ZNF611: variants seen among roughly 807,000 people sequenced by gnomAD.
ZNF611 encodes zinc finger protein 611.
Under a neutral mutation model 8.9 loss-of-function variants are expected in ZNF611, and 6 were observed. That is an observed-to-expected ratio of 0.68 (90% confidence interval 0.37 to 1.34). The LOEUF (loss-of-function observed/expected upper bound fraction) is 1.34. Ranked by LOEUF, ZNF611 falls within the 40% of genes most tolerant of loss-of-function variation. The probability of loss-of-function intolerance (pLI) is 0.02; values close to 1 mark genes in which losing one functional copy is unlikely to be tolerated. For synonymous variants in ZNF611, 262 were observed against 279.7 expected, an observed-to-expected ratio of 0.94 and a Z score of 0.63; for missense variants, 874 against 841.3, an observed-to-expected ratio of 1.04 and a Z score of -0.48.
chr19:52,711,864 G>T (rs56788254), intron 5 of ZNF611, among the ~76,000 whole-genome samples: 1,567 of 151,618 alleles, frequency 0.01, 19 homozygotes, highest in African/African-American at 0.035. Context: ...TATCATGTGA[G>T]TCAAGGCCAG....
chr19:52,725,573 A>G (rs2062386328), intron 3 of ZNF611, among the ~76,000 whole-genome samples: 1 of 152,106 alleles, frequency 6.6e-6, no homozygotes, highest in Non-Finnish European at 1.5e-5. Flanking sequence ...AAAGGAAGCA[A>G]CTTCCAGACT....
Position 52,705,631 on chromosome 19 carries a change from A to T in ZNF611, c.1424T>A (p.Ile475Asn). 5 of 1,613,938 alleles carry T rather than the reference A, an allele frequency of 3.1e-6. No homozygotes were observed. Among genetic ancestry groups the T allele is most frequent in the Non-Finnish European group, 4.2e-6 (5 of 1,179,916 alleles). Residue 475 changes from isoleucine to asparagine, a missense_variant, in exon 6 of 6, where the codon ATT becomes AAT. By Grantham distance (149) the Ile-to-Asn change is moderately radical. Coordinates refer to ENST00000652185, the MANE Select transcript of ZNF611 (RefSeq NM_001161499.2). ...CTTGTAAGGTTTTTCTCCACAGTCA[A>T]TTCTAGTATGTTTTGCCAGTTGTGA... Reference protein sequence around the residue: ...WSSQLAKHTRIDCGEKPYKCN... With the variant: ...WSSQLAKHTRNDCGEKPYKCN...
At chr19:52,710,660 T>G (rs1458877317) in intron 5 of ZNF611, among the ~76,000 whole-genome samples, 1 of 152,180 alleles carries the variant, frequency 6.6e-6, no homozygotes, top group Non-Finnish European at 1.5e-5. Context: ...CCACTGCGGC[T>G]GGCCAGTCTA....
chr19:52,711,957 T>C (rs1224109627), intron 5 of ZNF611, among the ~76,000 whole-genome samples: 1 of 152,014 alleles, frequency 6.6e-6, no homozygotes, highest in Non-Finnish European at 1.5e-5. Context: ...GGGAATATAA[T>C]TCCACCAAGA....
In ZNF611 at chr19:52,705,385, G is replaced by C; in HGVS notation, c.1670C>G (p.Thr557Ser). 2 of 1,613,882 alleles carry C rather than the reference G, an allele frequency of 1.2e-6. No homozygotes were observed. Among genetic ancestry groups the C allele is most frequent in the South Asian group, 2.2e-5 (2 of 91,060 alleles). ...FACHSYLAKH[T>S]RIHSGEKPYK... Reference sequence around the variant, plus strand: ...AGGTTTCTCTCCACTATGAATTCTAGTATGTTTTGCCAGATAGGAATGACA... The same window carrying C: ...AGGTTTCTCTCCACTATGAATTCTACTATGTTTTGCCAGATAGGAATGACA... Residue 557 changes from threonine to serine, a missense_variant, in exon 6 of 6, where the codon ACT becomes AGT. Transcript: ENST00000652185.
chr19:52,710,226 AT>A (rs574509484), intron 5 of ZNF611, among the ~76,000 whole-genome samples: 8,548 of 132,508 alleles, frequency 0.065, 263 homozygotes, highest in Admixed American at 0.09. Context: ...TGCCTGGCTA[AT>A]TTTTTTTTTT....
intron 3 of ZNF611, 145 bp from the exon 4 acceptor site, chr19:52,716,058 G>A: frequency 2.2e-6 from 2 of 910,748 alleles, no homozygotes; most frequent in Non-Finnish European, 3.3e-6. Flanking sequence ...AGATAAGGAA[G>A]TCCCACAGGA....
chr19:52,714,159 T>A lies in ZNF611; in HGVS notation c.64-18A>T, dbSNP rs1196755837. 1 of 1,611,250 alleles carries A rather than the reference T, an allele frequency of 6.2e-7. No individual in the cohort carries two copies. Among genetic ancestry groups the A allele is most frequent in the African/African-American group, 1.3e-5 (1 of 74,680 alleles). ...AAGCGTCCCTAAAATGAAACACACA[T>A]TTCAACAAAACATTATGGAGTAATG... On this transcript the variant is annotated intron_variant, in intron 4 of 5. Transcript: ENST00000652185.
intron 3 of ZNF611, chr19:52,721,244 C>T (rs556232866): frequency 7.9e-4 from 127 of 160,904 alleles, no homozygotes; most frequent in Non-Finnish European, 1.0e-3. Flanking sequence ...CAATGGGTGG[C>T]CAGGCAGAGA....
At chr19:52,731,952 CAA>C in intron 1 of ZNF611, among the ~76,000 whole-genome samples, 1 of 150,420 alleles carries the variant, frequency 6.6e-6, no homozygotes, top group East Asian at 2.0e-4. Flanking sequence ...GCCTTGGCAA[CAA>C]GAGCAAAATT....
At chr19:52,724,849 A>T (rs1047748890) in intron 3 of ZNF611, among the ~76,000 whole-genome samples, 1 of 151,318 alleles carries the variant, frequency 6.6e-6, no homozygotes, top group African/African-American at 2.4e-5. Context: ...CCCTCTCCCT[A>T]TCTTGTCCTT....
chr19:52,710,768 A>G (rs2062274230), intron 5 of ZNF611, among the ~76,000 whole-genome samples: 1 of 152,184 alleles, frequency 6.6e-6, no homozygotes, highest in Non-Finnish European at 1.5e-5. Context: ...AAACAAAGGA[A>G]GTTGAGTGTG....
At chr19:52,729,514 A>AAAAAAAAAAAAAAAAAAAAAG (rs1453807394) in intron 2 of ZNF611, among the ~76,000 whole-genome samples, 1 of 148,560 alleles carries the variant, frequency 6.7e-6, no homozygotes, top group African/African-American at 2.5e-5. Context: ...AAAAAAAAAA[A>AAAAAAAAAAAAAAAAAAAAAG]AAAAGAAAAG....
intron 3 of ZNF611, among the ~76,000 whole-genome samples, chr19:52,721,543 G>C (rs2062359506): frequency 6.6e-6 from 1 of 152,198 alleles, no homozygotes; most frequent in Admixed American, 6.5e-5. Context: ...GTCAGGCTTG[G>C]TGGCTTGTGA....
Position 52,721,825 on chromosome 19 carries a change from T to C in ZNF611, c.-19-5912A>G, listed in dbSNP as rs535627866. Among the ~76,000 whole-genome samples the C allele has an allele frequency of 3.9e-5, 6 of 152,138 alleles. No individual in the cohort carries two copies. The South Asian group carries it at 1.2e-3, about 32-fold the overall frequency. The stretch of plus-strand genomic sequence containing the variant: ...TGTTGCCCACACTGAAGTGCAATGA[T>C]GCGATCTCAGCTCACCACAACCTCT... On this transcript the variant is annotated intron_variant, in intron 3 of 5. Coordinates refer to ENST00000652185, the MANE Select transcript of ZNF611 (RefSeq NM_001161499.2).
chr19:52,714,923 G>A (rs540642761), intron 4 of ZNF611, among the ~76,000 whole-genome samples: 3 of 151,906 alleles, frequency 2.0e-5, no homozygotes, highest in Non-Finnish European at 2.9e-5. Flanking sequence ...GCTTGAATCC[G>A]GGAGGCGGAG....
intron 5 of ZNF611, among the ~76,000 whole-genome samples, chr19:52,711,940 C>T (rs143915584): frequency 0.04 from 6,023 of 151,514 alleles, 240 homozygotes; most frequent in African/African-American, 0.1. Context: ...TGTGCATGCA[C>T]CTCTGTGGGA....
chr19:52,725,877 C>T (rs1163680215), intron 3 of ZNF611, among the ~76,000 whole-genome samples: 2 of 151,922 alleles, frequency 1.3e-5, no homozygotes, highest in East Asian at 3.9e-4. Flanking sequence ...TTAGAACAGG[C>T]AAAGGGCGGG....
At chr19:52,710,870 A>C (rs2062274750) in intron 5 of ZNF611, among the ~76,000 whole-genome samples, 1 of 152,098 alleles carries the variant, frequency 6.6e-6, no homozygotes, top group South Asian at 2.1e-4. Context: ...ATCTCTGCTA[A>C]AAATACAGAA....
Sources: allele counts gnomAD v4.1 joint callset (sites outside exome capture counted in the v4.1 genomes callset), GRCh38; gene constraint gnomAD v4.1.1; transcripts MANE v1.5; gene names NCBI Gene and HGNC (gene_info 2026-07-23, HGNC 2026-07-21).